Variants in NXN observed in about 807,000 individuals in gnomAD.
The protein encoded by NXN is nucleoredoxin 1.
A neutral mutation model predicts 48.6 loss-of-function variants in NXN; 16 were observed. The observed-to-expected ratio is 0.33, with a 90% confidence interval of 0.22 to 0.50. The LOEUF (loss-of-function observed/expected upper bound fraction) is 0.50. NXN is among the 20% of genes least tolerant of loss of function. NXN has a pLI of 0.98. For synonymous variants in NXN, 281 were observed against 269.6 expected (o/e 1.04, Z -0.41); for missense variants, 492 against 605.5 (o/e 0.81, Z 1.97).
At chr17:833,239 A>G (rs1426119191) in intron 1 of NXN, among the ~76,000 whole-genome samples, 1 of 152,148 alleles carries the variant, frequency 6.6e-6, no homozygotes, top group African/African-American at 2.4e-5. Context: ...TAATTTATCC[A>G]GGAACCCATG....
intron 1 of NXN, among the ~76,000 whole-genome samples, chr17:951,076 C>T (rs1034101199): frequency 1.3e-5 from 2 of 149,938 alleles, no homozygotes; most frequent in Non-Finnish European, 3.0e-5. Context: ...GTGGCTCACG[C>T]CTGTAATCCC....
At chr17:841,335 G>A (rs1050278543) in intron 1 of NXN, among the ~76,000 whole-genome samples, 31 of 152,144 alleles carry the variant, frequency 2.0e-4, no homozygotes, top group Non-Finnish European at 2.8e-4. Flanking sequence ...CCATCCTGGT[G>A]CCGCCAACCC....
Position 979,703 on chromosome 17 carries a change from G to C in NXN, c.-25C>G. 1 of 1,381,630 alleles carries C rather than the reference G, an allele frequency of 7.2e-7. No homozygotes were observed. Among genetic ancestry groups the C allele is most frequent in the Non-Finnish European group, 9.4e-7 (1 of 1,065,962 alleles). 85.6% of individuals were successfully genotyped at this position (1,381,630 alleles called of 1,614,324 possible). A position where few individuals can be genotyped will look rare whatever the true frequency, so the allele number is the denominator to read the frequency against. Reference sequence around the variant, plus strand: ...TCCTGGCCCACCGCAGGGCGGGCAGGCGGCTGCGACCCCGCTCCACGGTCC... The same window carrying C: ...TCCTGGCCCACCGCAGGGCGGGCAGCCGGCTGCGACCCCGCTCCACGGTCC... On this transcript the variant is annotated 5_prime_UTR_variant, in exon 1 of 8. Transcript: ENST00000336868.
In NXN at chr17:841,611, G is replaced by GGC. The variant is rs1914292711; in HGVS notation, c.361-15534_361-15533insGC. 2.9e-4 allele frequency among the ~76,000 whole-genome samples: 41 copies of GGC among 139,144 alleles called. 1 individual carries two copies. Among genetic ancestry groups the GGC allele is most frequent in the Non-Finnish European group, 4.0e-4 (25 of 63,250 alleles). The allele number at this position is 139,144 out of a possible 152,430, so 91.3% of individuals were successfully genotyped here. A position where few individuals can be genotyped will look rare whatever the true frequency, so the allele number is the denominator to read the frequency against. The stretch of plus-strand genomic sequence containing the variant: ...CGGCGAGCAGGTCCCCCCGACCACA[G>GGC]AGCATCTCACACGGGCAAGCAGGTC... On this transcript the variant is annotated intron_variant, in intron 1 of 7. Coordinates refer to ENST00000336868, the MANE Select transcript of NXN (RefSeq NM_022463.5).
chr17:913,128 A>G (rs926135211), intron 1 of NXN, among the ~76,000 whole-genome samples: 1 of 152,206 alleles, frequency 6.6e-6, no homozygotes, highest in Non-Finnish European at 1.5e-5. Flanking sequence ...TTTTATAGTC[A>G]CCAATAAAAT....
In NXN at chr17:932,015, G is replaced by A; in HGVS notation, c.360+47304C>T. Among the ~76,000 whole-genome samples, 1 of 148,142 alleles carries A rather than the reference G, an allele frequency of 6.8e-6. No individual in the cohort carries two copies. The highest frequency in any genetic ancestry group is 6.6e-5 in the Admixed American group (1 of 15,056). ...AAAAATTAGCCAGGTGTGGTGGTGG[G>A]TGCCTATAATCCCAGCTAATGGGGA... On this transcript the variant is annotated intron_variant, in intron 1 of 7. Transcript: ENST00000336868. This position sits in a 1 kb window ranked among gnomAD's most constrained non-coding sequence, Gnocchi z 4.1.
Position 956,809 on chromosome 17 carries a change from G to C in NXN, c.360+22510C>G, listed in dbSNP as rs1300911528. ...TCCCACTTTACAGATGAGGAAGTGGGGTTAAAGTAACTTGCCCAAGATCTC... is the reference window on the plus strand; with the variant it reads ...TCCCACTTTACAGATGAGGAAGTGGCGTTAAAGTAACTTGCCCAAGATCTC... On this transcript the variant is annotated intron_variant, in intron 1 of 7. Coordinates refer to ENST00000336868, the MANE Select transcript of NXN (RefSeq NM_022463.5). The surrounding 1 kb of genome is among the most constrained non-coding windows in gnomAD (Gnocchi z 4.1). Among the ~76,000 whole-genome samples the C allele has an allele frequency of 6.6e-6, 1 of 152,134 alleles. No homozygotes were observed. The highest frequency in any genetic ancestry group is 1.9e-4 in the East Asian group (1 of 5,194).
At chr17:936,387 C>T (rs1057415009) in intron 1 of NXN, among the ~76,000 whole-genome samples, 1 of 152,030 alleles carries the variant, frequency 6.6e-6, no homozygotes, top group African/African-American at 2.4e-5. Context: ...TGAGTGTCCA[C>T]GGTGAGGTGG....
At chr17:969,318 C>A (rs1048552103) in intron 1 of NXN, among the ~76,000 whole-genome samples, 4 of 152,192 alleles carry the variant, frequency 2.6e-5, no homozygotes, top group East Asian at 1.9e-4. Flanking sequence ...CAAAGTCACA[C>A]CCCCGGGAAA....
At chr17:900,208 G>C (rs887279153) in intron 1 of NXN, among the ~76,000 whole-genome samples, 1 of 152,148 alleles carries the variant, frequency 6.6e-6, no homozygotes, top group Non-Finnish European at 1.5e-5. Flanking sequence ...AGAGGTTGTG[G>C]TGAGCCAAGA....
At position 800,704 on chromosome 17, in the gene NXN, G is replaced by A; in HGVS notation, c.*245C>T. On this transcript the variant is annotated 3_prime_UTR_variant, in exon 8 of 8. Transcript: ENST00000336868. ...TGCGAAAGCCATGCAGCCCCGCTCTGGCCGGGCCCCCGGCCATCCCGTGCT... is the reference window on the plus strand; with the variant it reads ...TGCGAAAGCCATGCAGCCCCGCTCTAGCCGGGCCCCCGGCCATCCCGTGCT... 1 of 349,998 alleles carries A rather than the reference G, an allele frequency of 2.9e-6. No homozygotes were observed. Among genetic ancestry groups the A allele is most frequent in the South Asian group, 1.3e-4 (1 of 7,550 alleles). The allele number at this position is 349,998 out of a possible 1,614,324, so 21.7% of individuals were successfully genotyped here.
chr17:805,449 C>G (rs1468793310), intron 5 of NXN, among the ~76,000 whole-genome samples: 1 of 152,174 alleles, frequency 6.6e-6, no homozygotes, highest in Non-Finnish European at 1.5e-5. Context: ...AGCCATGGAA[C>G]CCCCTCGGGT....
chr17:973,067 C>G (rs1327527013), intron 1 of NXN, among the ~76,000 whole-genome samples: 2 of 151,890 alleles, frequency 1.3e-5, no homozygotes, highest in Admixed American at 1.3e-4. Context: ...AAATCAGTGA[C>G]CCTAACTTCC....
chr17:897,069 A>T, intron 1 of NXN: 1 of 1,063,180 alleles, frequency 9.4e-7, no homozygotes, highest in Non-Finnish European at 1.1e-6. Context: ...GTGAGCTTTG[A>T]CAGCCAGGGA....
intron 5 of NXN, among the ~76,000 whole-genome samples, chr17:806,771 CA>C (rs1911557993): frequency 1.3e-5 from 2 of 152,158 alleles, no homozygotes; most frequent in Non-Finnish European, 2.9e-5. Context: ...CTGCTGCGGC[CA>C]CCAGCACCGC....
At chr17:943,920 G>C (rs376179100) in intron 1 of NXN, among the ~76,000 whole-genome samples, 1 of 151,120 alleles carries the variant, frequency 6.6e-6, no homozygotes, top group East Asian at 2.0e-4. Context: ...TGTTTAACTC[G>C]ACAATCCTTC....
intron 1 of NXN, among the ~76,000 whole-genome samples, chr17:971,931 C>T (rs772072072): frequency 9.9e-5 from 15 of 152,036 alleles, no homozygotes; most frequent in South Asian, 4.2e-4. Context: ...CTTTGGAAGC[C>T]GAGGCGGGTG....
intron 1 of NXN, among the ~76,000 whole-genome samples, chr17:914,082 T>C (rs1304132302): frequency 6.6e-6 from 1 of 152,150 alleles, no homozygotes; most frequent in Non-Finnish European, 1.5e-5. Flanking sequence ...GTATTTTTAA[T>C]AGAGACAGGG....
At chr17:820,332 C>G (rs1912755729) in intron 4 of NXN, among the ~76,000 whole-genome samples, 1 of 152,200 alleles carries the variant, frequency 6.6e-6, no homozygotes, top group Non-Finnish European at 1.5e-5. Flanking sequence ...GGGACTGTGG[C>G]CAGGCGTGGT....
Sources: gnomAD v4.1 joint callset for allele counts (sites outside exome capture counted in the v4.1 genomes callset) on GRCh38, gnomAD v4.1.1 for gene constraint, Gnocchi (gnomAD v3.1) non-coding constraint, MANE v1.5 for transcripts, NCBI Gene and HGNC (gene_info 2026-07-23, HGNC 2026-07-21) for gene names.